KCNQ5: variants seen among roughly 807,000 people sequenced by gnomAD.
The protein encoded by KCNQ5 is potassium voltage-gated channel subfamily KQT member 5.
A neutral mutation model predicts 98.2 loss-of-function variants in KCNQ5; 30 were observed. The ratio of observed to expected loss-of-function variants is 0.31; its 90% CI spans 0.23 to 0.41. The LOEUF (loss-of-function observed/expected upper bound fraction) is 0.41. Among genes scored for constraint, KCNQ5 ranks in the 10% least tolerant of loss-of-function variants. The pLI, the probability that KCNQ5 is intolerant of heterozygous loss-of-function variation, is 1.00. For synonymous variants in KCNQ5, 458 were observed against 449.4 expected, an observed-to-expected ratio of 1.02 and a Z score of -0.24; for missense variants, 835 against 1,182.5, an observed-to-expected ratio of 0.71 and a Z score of 4.31.
intron 6 of KCNQ5, among the ~76,000 whole-genome samples, chr6:73,110,898 A>C (rs1775217946): frequency 6.6e-6 from 1 of 152,196 alleles, no homozygotes; most frequent in Non-Finnish European, 1.5e-5. Flanking sequence ...GCTCTGTCCC[A>C]AGTTGAAATT....
chr6:72,885,933 G>C (rs560696230), intron 1 of KCNQ5, among the ~76,000 whole-genome samples: 3 of 152,300 alleles, frequency 2.0e-5, no homozygotes, highest in East Asian at 3.9e-4. Flanking sequence ...ACATCTCCTA[G>C]CTCTTATATG....
intron 1 of KCNQ5, among the ~76,000 whole-genome samples, chr6:72,664,881 T>TA (rs1343640025): frequency 6.6e-6 from 1 of 152,232 alleles, no homozygotes; most frequent in East Asian, 1.9e-4. Flanking sequence ...CTGTCATTTT[T>TA]ACCATTAAAT....
At chr6:73,047,340 T>A (rs1229024923) in intron 3 of KCNQ5, among the ~76,000 whole-genome samples, 1 of 152,222 alleles carries the variant, frequency 6.6e-6, no homozygotes, top group Non-Finnish European at 1.5e-5. Context: ...AAAATAGACT[T>A]ACTTACCTGT....
intron 1 of KCNQ5, among the ~76,000 whole-genome samples, chr6:72,985,375 A>C (rs993360326): frequency 2.6e-5 from 4 of 152,258 alleles, no homozygotes; most frequent in African/African-American, 4.8e-5. Context: ...AACCACAGTC[A>C]TCAAGAGTAA....
intron 1 of KCNQ5, among the ~76,000 whole-genome samples, chr6:72,674,727 G>A (rs1407254014): frequency 5.3e-5 from 8 of 152,120 alleles, no homozygotes; most frequent in African/African-American, 1.2e-4. Context: ...CTGAGATCGC[G>A]TCACTGCATT....
intron 2 of KCNQ5, among the ~76,000 whole-genome samples, chr6:73,034,920 A>T (rs1054469990): frequency 7.0e-6 from 1 of 143,370 alleles, no homozygotes; most frequent in Non-Finnish European, 1.5e-5. Flanking sequence ...ATCTCGGCTC[A>T]CTGCAAGCTC....
chr6:72,995,484 C>A (rs1257511435), intron 1 of KCNQ5, among the ~76,000 whole-genome samples: 1 of 151,604 alleles, frequency 6.6e-6, no homozygotes, highest in African/African-American at 2.4e-5. Context: ...ATAGGTTAAC[C>A]AGATTGCTAC....
intron 10 of KCNQ5, among the ~76,000 whole-genome samples, chr6:73,146,000 T>C (rs58439359): frequency 0.096 from 14,570 of 152,102 alleles, 1,796 homozygotes; most frequent in African/African-American, 0.27. Context: ...ACCCCCATGA[T>C]CCATTCACCT....
At chr6:72,894,744 AT>A (rs1481459231) in intron 1 of KCNQ5, among the ~76,000 whole-genome samples, 2 of 152,166 alleles carry the variant, frequency 1.3e-5, no homozygotes, top group Admixed American at 1.3e-4. Context: ...AAATAAGAAA[AT>A]TTGCCTTACA....
chr6:73,038,441 G>T (rs1483895437), intron 2 of KCNQ5, among the ~76,000 whole-genome samples: 1 of 151,766 alleles, frequency 6.6e-6, no homozygotes, highest in Non-Finnish European at 1.5e-5. Context: ...TATACATCTT[G>T]GTTGTTCTTA....
At chr6:73,110,091 A>G (rs1775173204) in intron 6 of KCNQ5, among the ~76,000 whole-genome samples, 1 of 152,156 alleles carries the variant, frequency 6.6e-6, no homozygotes, top group Admixed American at 6.5e-5. Flanking sequence ...GCATCTTTGA[A>G]CCATCTTTGA....
At chr6:73,099,403 C>T (rs1179611510) in intron 5 of KCNQ5, among the ~76,000 whole-genome samples, 1 of 151,956 alleles carries the variant, frequency 6.6e-6, no homozygotes, top group Non-Finnish European at 1.5e-5. Flanking sequence ...TTTTAAAAAG[C>T]AAGACCCAAT....
intron 1 of KCNQ5, among the ~76,000 whole-genome samples, chr6:72,635,329 C>T (rs1489707747): frequency 1.3e-5 from 2 of 152,020 alleles, no homozygotes; most frequent in Non-Finnish European, 2.9e-5. Context: ...TGTGCTTGGC[C>T]CTGAATAATA....
chr6:72,647,113 T>C (rs970900104), intron 1 of KCNQ5, among the ~76,000 whole-genome samples: 5 of 152,250 alleles, frequency 3.3e-5, no homozygotes, highest in African/African-American at 1.2e-4. Flanking sequence ...GTGACTATTC[T>C]TACATTACAA....
In KCNQ5 at chr6:73,137,200, A is replaced by G. The variant is rs141930284; in HGVS notation, c.1468+3559A>G. Among the ~76,000 whole-genome samples the G allele has an allele frequency of 4.5e-4, 68 of 152,114 alleles. No homozygotes were observed. In the East Asian group the frequency reaches 0.011, roughly 24 times the overall value. On this transcript the variant is annotated intron_variant, in intron 10 of 13. Coordinates refer to ENST00000370398, the MANE Select transcript of KCNQ5 (RefSeq NM_019842.4). ...ACAGTAGTGTTTTCATAATTTAATG[A>G]CTCTTTAAGAAGGTTATTAAATATC...
chr6:72,920,451 C>T (rs2150216330), intron 1 of KCNQ5, among the ~76,000 whole-genome samples: 1 of 152,266 alleles, frequency 6.6e-6, no homozygotes, highest in South Asian at 2.1e-4. Context: ...TTGGAATACG[C>T]ATCTAAGATA....
intron 1 of KCNQ5, among the ~76,000 whole-genome samples, chr6:72,626,252 G>C (rs1463709228): frequency 6.6e-6 from 1 of 152,210 alleles, no homozygotes; most frequent in African/African-American, 2.4e-5. Flanking sequence ...AGAAAAGTCA[G>C]CACAGGCTTC....
At chr6:73,057,887 T>C (rs1408157610) in intron 3 of KCNQ5, among the ~76,000 whole-genome samples, 2 of 152,250 alleles carry the variant, frequency 1.3e-5, no homozygotes, top group Non-Finnish European at 2.9e-5. Context: ...AGCATGGTAC[T>C]GGTACAAAAC....
chr6:72,952,976 G>A (rs1305659046), intron 1 of KCNQ5, among the ~76,000 whole-genome samples: 2 of 152,136 alleles, frequency 1.3e-5, no homozygotes, highest in Non-Finnish European at 2.9e-5. Flanking sequence ...TTTTTCCTGA[G>A]GATCCAGTAA....
Sources: gnomAD v4.1 joint callset for allele counts (sites outside exome capture counted in the v4.1 genomes callset) on GRCh38, gnomAD v4.1.1 for gene constraint, MANE v1.5 for transcripts, NCBI Gene and HGNC (gene_info 2026-07-23, HGNC 2026-07-21) for gene names.